Variants in CSRNP2 observed in about 807,000 individuals in gnomAD.
The protein encoded by CSRNP2 is cysteine/serine-rich nuclear protein 2.
In CSRNP2, 11 loss-of-function variants were observed where a neutral mutation model predicts 36.6. The observed-to-expected ratio is 0.30, with a 90% confidence interval of 0.19 to 0.50. The LOEUF is 0.50. Among genes scored for constraint, CSRNP2 ranks in the 20% least tolerant of loss-of-function variants. The pLI is 0.98. For synonymous variants in CSRNP2, 248 were observed against 275.3 expected, an observed-to-expected ratio of 0.90 and a Z score of 0.98; for missense variants, 483 against 691.4, an observed-to-expected ratio of 0.70 and a Z score of 3.38.
intron 1 of CSRNP2, among the ~76,000 whole-genome samples, chr12:51,077,988 T>A (rs1939461080): frequency 1.3e-5 from 2 of 152,190 alleles, no homozygotes; most frequent in Non-Finnish European, 1.5e-5. Context: ...AGAAATGCTG[T>A]CAAAGCGGGA....
chr12:51,081,822 AAAC>A (rs1427866163), intron 1 of CSRNP2, among the ~76,000 whole-genome samples: 14 of 9,480 alleles, frequency 1.5e-3, no homozygotes, highest in South Asian at 4.3e-3. Context: ...CCACCAAAAC[AAAC>A]AAACAAACAA....
At chr12:51,070,507 C>G (rs541302682) in intron 3 of CSRNP2, among the ~76,000 whole-genome samples, 2 of 152,070 alleles carry the variant, frequency 1.3e-5, no homozygotes, top group African/African-American at 4.8e-5. Context: ...CACGAGGACA[C>G]TCATATAGAT....
chr12:51,069,036 C>T (rs1938724573), intron 3 of CSRNP2, among the ~76,000 whole-genome samples: 2 of 151,996 alleles, frequency 1.3e-5, no homozygotes, highest in Non-Finnish European at 2.9e-5. Context: ...AGTGCAGTGG[C>T]GTGATCTCAG....
rs772413394 is a variant in CSRNP2, at chr12:51,063,899, C to T, written c.1479G>A (p.Glu493=). The part of the protein sequence containing the change: ...ALLPEDCNPE[E]PENEDFHPSW... ...AAGGGTGGAAGTCTTCATTTTCAGG[C>T]TCCTCAGGGTTACAATCTTCGGGCA... Residue 493 remains glutamate, a synonymous_variant, in exon 5 of 5, where the codon GAG becomes GAA. Coordinates refer to ENST00000228515, the MANE Select transcript of CSRNP2 (RefSeq NM_030809.3). The T allele has an allele frequency of 1.2e-6, 2 of 1,614,050 alleles. No individual in the cohort carries two copies. The highest frequency in any genetic ancestry group is 2.7e-5 in the African/African-American group (2 of 75,036).
intron 2 of CSRNP2, 98 bp downstream of exon 2, chr12:51,076,313 G>C: frequency 7.5e-7 from 1 of 1,335,478 alleles, no homozygotes; most frequent in Non-Finnish European, 1.0e-6. Flanking sequence ...TGATGATTAA[G>C]GGCAAATCCC....
chr12:51,067,373 A>C lies in CSRNP2; in HGVS notation c.708+300T>G, dbSNP rs971864318. Among the ~76,000 whole-genome samples, 14 of 151,908 alleles carry C rather than the reference A, an allele frequency of 9.2e-5. No individual in the cohort carries two copies. The highest frequency in any genetic ancestry group is 3.4e-4 in the African/African-American group (14 of 41,344). ...CAAAAATTTTAAGAGACAGGGTCTCACTCTGTGACCCAGGCTGGCGTGCAC... is the reference window on the plus strand; with the variant it reads ...CAAAAATTTTAAGAGACAGGGTCTCCCTCTGTGACCCAGGCTGGCGTGCAC... On this transcript the variant is annotated intron_variant, in intron 4 of 4. Coordinates refer to ENST00000228515, the MANE Select transcript of CSRNP2 (RefSeq NM_030809.3). The surrounding 1 kb of genome is among the most constrained non-coding windows in gnomAD (Gnocchi z 4.1).
Position 51,064,256 on chromosome 12 carries a change from G to A in CSRNP2, c.1122C>T (p.Gly374=). 2.5e-6 allele frequency: 4 copies of A among 1,613,218 alleles called. No homozygotes were observed. Among genetic ancestry groups the A allele is most frequent in the Non-Finnish European group, 2.5e-6 (3 of 1,179,628 alleles). The change falls in exon 5 of 5, where the codon GGC becomes GGT. Residue 374 remains glycine, a synonymous_variant. Transcript: ENST00000228515. ...PLAVPEELCP[G]LTAPILIQAQ... is the part of the protein sequence containing the mutation. Reference sequence around the variant, plus strand: ...CCTGGATGAGAATGGGGGCTGTAAGGCCTGGGCACAGCTCTTCGGGGACAG... The same window carrying A: ...CCTGGATGAGAATGGGGGCTGTAAGACCTGGGCACAGCTCTTCGGGGACAG...
At chr12:51,069,770 G>A (rs1592756615) in intron 3 of CSRNP2, among the ~76,000 whole-genome samples, 2 of 150,050 alleles carry the variant, frequency 1.3e-5, no homozygotes, top group Admixed American at 6.7e-5. Flanking sequence ...TCGGCTCACT[G>A]CAAGCTCCGC....
At position 51,083,404 on chromosome 12, in the gene CSRNP2, G is replaced by C. The variant is rs1939717635; in HGVS notation, c.-152C>G. On this transcript the variant is annotated 5_prime_UTR_variant, in exon 1 of 5. Coordinates refer to ENST00000228515, the MANE Select transcript of CSRNP2 (RefSeq NM_030809.3). ...CGCCCCCGCTGCCGCCGCCGCCCTA[G>C]CCCGGTGGGAAGGAGGGAGGAGCGA... 6.5e-6 allele frequency: 1 copy of C among 153,856 alleles called. No homozygotes were observed. Among genetic ancestry groups the C allele is most frequent in the Non-Finnish European group, 1.5e-5 (1 of 68,902 alleles). 9.5% of individuals were successfully genotyped at this position (153,856 alleles called of 1,614,324 possible).
chr12:51,064,755 T>G, intron 4 of CSRNP2, 86 bp from the exon 5 acceptor site: 1 of 1,256,232 alleles, frequency 8.0e-7, no homozygotes, highest in Non-Finnish European at 1.1e-6. Flanking sequence ...AAACAGGCAG[T>G]TGGGATTTGA....
chr12:51,076,714 C>G, intron 1 of CSRNP2, 67 bp from the exon 2 acceptor site: 1 of 744,412 alleles, frequency 1.3e-6, no homozygotes, highest in Non-Finnish European at 2.2e-6. Context: ...TCTATACACA[C>G]AGCTCTCTAA....
intron 4 of CSRNP2, among the ~76,000 whole-genome samples, chr12:51,065,036 C>T (rs184206682): frequency 3.9e-5 from 6 of 152,276 alleles, no homozygotes; most frequent in Admixed American, 2.6e-4. Context: ...AGGAAATTTA[C>T]GAGCCTCAGA....
intron 3 of CSRNP2, among the ~76,000 whole-genome samples, chr12:51,070,104 A>T (rs1335378495): frequency 6.6e-6 from 1 of 152,094 alleles, no homozygotes; most frequent in Non-Finnish European, 1.5e-5. Flanking sequence ...CTCACTAGAG[A>T]ACTCAAGAAA....
rs1173559322 is a variant in CSRNP2, at chr12:51,080,072, CAAAAAAAAAAA to C, written c.-87+3256_-87+3266del. ...TGGGCGGCAGAGTAAGACTCTGTCTCAAAAAAAAAAAAAAAAAAAAAAAAAAAGAGGGAGGG... is the reference window on the plus strand; with the variant it reads ...TGGGCGGCAGAGTAAGACTCTGTCTCAAAAAAAAAAAAAAAAGAGGGAGGG... On this transcript the variant is annotated intron_variant, in intron 1 of 4. Coordinates refer to ENST00000228515, the MANE Select transcript of CSRNP2 (RefSeq NM_030809.3). Among the ~76,000 whole-genome samples the C allele has an allele frequency of 2.9e-4, 16 of 54,988 alleles. 1 individual carries two copies. Among genetic ancestry groups the C allele is most frequent in the South Asian group, 2.7e-3 (3 of 1,104 alleles). The allele number at this position is 54,988 out of a possible 152,430, so 36.1% of individuals were successfully genotyped here.
chr12:51,073,941 C>T lies in CSRNP2; in HGVS notation c.293G>A (p.Arg98His), dbSNP rs368577384. The T allele has an allele frequency of 2.5e-5, 41 of 1,614,072 alleles. No individual in the cohort carries two copies. The highest frequency in any genetic ancestry group is 1.8e-4 in the South Asian group (16 of 91,074). Residue 98 changes from arginine to histidine, a missense_variant, in exon 3 of 5, where the codon CGC (arginine) becomes CAC (histidine). By Grantham distance (29) the Arg-to-His change is conservative. This residue lies in a region of CSRNP2 where 206 missense variants were observed against 367.8 expected (regional missense o/e 0.56). Transcript: ENST00000228515. Reference protein sequence around the residue: ...QGGSSLGMAQRHNSVRSYTLC... With the variant: ...QGGSSLGMAQHHNSVRSYTLC... ...TGTATAGCTCCGTACAGAGTTATGG[C>T]GCTGGGCCATGCCCAGAGAGCTACC...
intron 1 of CSRNP2, among the ~76,000 whole-genome samples, chr12:51,078,773 G>A (rs1355356031): frequency 1.3e-5 from 2 of 152,184 alleles, no homozygotes; most frequent in Non-Finnish European, 2.9e-5. Context: ...CACTGTTGGT[G>A]GGACTGAAAA....
Position 51,064,328 on chromosome 12 carries a change from G to C in CSRNP2, c.1050C>G (p.Asp350Glu), listed in dbSNP as rs1937884301. Reference protein sequence around the residue: ...EDSSGSSASLDSSIESLGVCI... With the variant: ...EDSSGSSASLESSIESLGVCI... ...ACACACCCAGGCTCTCGATGCTCGA[G>C]TCCAGGCTGGCACTAGAGCCGCTGG... The change falls in exon 5 of 5, where the codon GAC (aspartate) becomes GAG (glutamate). Residue 350 changes from aspartate (D) to glutamate (E), a missense_variant. Physicochemically the swap from Asp to Glu is conservative, Grantham distance 45. This residue lies in a region of CSRNP2 where 277 missense variants were observed against 323.6 expected (regional missense o/e 0.86). Coordinates refer to ENST00000228515, the MANE Select transcript of CSRNP2 (RefSeq NM_030809.3). 2 of 1,614,078 alleles carry C rather than the reference G, an allele frequency of 1.2e-6. No individual in the cohort carries two copies. Among genetic ancestry groups the C allele is most frequent in the Non-Finnish European group, 1.7e-6 (2 of 1,180,040 alleles).
intron 3 of CSRNP2, among the ~76,000 whole-genome samples, chr12:51,068,250 C>T (rs746799826): frequency 2.0e-5 from 3 of 152,118 alleles, no homozygotes; most frequent in Non-Finnish European, 4.4e-5. Context: ...CTCCGCCTCC[C>T]GGGTTCAAGC....
At chr12:51,069,847 C>G (rs1047736406) in intron 3 of CSRNP2, among the ~76,000 whole-genome samples, 7 of 151,860 alleles carry the variant, frequency 4.6e-5, no homozygotes, top group African/African-American at 1.7e-4. Context: ...CGCCTGCCAC[C>G]ACGCCTCGCT....
Sources: allele counts gnomAD v4.1 joint callset (sites outside exome capture counted in the v4.1 genomes callset), GRCh38; gene constraint gnomAD v4.1.1; regional missense constraint gnomAD v4.1.1; non-coding constraint Gnocchi (gnomAD v3.1); transcripts MANE v1.5; gene names NCBI Gene and HGNC (gene_info 2026-07-23, HGNC 2026-07-21).